Variants in CHST11 observed in about 807,000 individuals in gnomAD.
The protein encoded by CHST11 is C4S-1.
In CHST11, 9 loss-of-function variants were observed where a neutral mutation model predicts 30.4. The ratio of observed to expected loss-of-function variants is 0.30; its 90% CI spans 0.18 to 0.52. The LOEUF is 0.52. Among genes scored for constraint, CHST11 ranks in the 20% least tolerant of loss-of-function variants. The pLI, the probability that CHST11 is intolerant of heterozygous loss-of-function variation, is 0.97. For missense variants in CHST11, 348 were observed against 460.6 expected (o/e 0.76, Z 2.24); for synonymous variants, 152 against 187.8 (o/e 0.81, Z 1.56).
intron 2 of CHST11, among the ~76,000 whole-genome samples, chr12:104,657,244 G>A (rs1296833165): frequency 6.6e-6 from 1 of 152,054 alleles, no homozygotes; most frequent in Non-Finnish European, 1.5e-5. Flanking sequence ...CTCTGGGAGC[G>A]AAACAAAAAG....
chr12:104,501,443 GAA>G (rs2037853234), intron 1 of CHST11, among the ~76,000 whole-genome samples: 1 of 152,216 alleles, frequency 6.6e-6, no homozygotes, highest in South Asian at 2.1e-4. Context: ...TTCAGGATCT[GAA>G]GTACTTTTTC....
intron 2 of CHST11, among the ~76,000 whole-genome samples, chr12:104,706,810 G>A (rs1275466256): frequency 6.6e-6 from 1 of 152,084 alleles, no homozygotes; most frequent in Non-Finnish European, 1.5e-5. Flanking sequence ...AATGTCCCAG[G>A]GGGAAAAAAT....
chr12:104,488,373 GTGTGTA>G (rs1565959928), intron 1 of CHST11, among the ~76,000 whole-genome samples: 1 of 151,690 alleles, frequency 6.6e-6, no homozygotes, highest in Non-Finnish European at 1.5e-5. Context: ...ATGTGTATGC[GTGTGTA>G]TGTGTGTGTA....
At chr12:104,544,217 A>G (rs963803932) in intron 1 of CHST11, among the ~76,000 whole-genome samples, 3 of 151,860 alleles carry the variant, frequency 2.0e-5, no homozygotes, top group Non-Finnish European at 4.4e-5. Flanking sequence ...CATACATAGA[A>G]TTTTTGATGA....
chr12:104,525,706 G>T (rs147258499), intron 1 of CHST11, among the ~76,000 whole-genome samples: 1 of 152,086 alleles, frequency 6.6e-6, no homozygotes, highest in Non-Finnish European at 1.5e-5. Context: ...ATTTTTAAGG[G>T]CAAAGAGATT....
At chr12:104,517,587 A>C (rs2038036756) in intron 1 of CHST11, among the ~76,000 whole-genome samples, 1 of 152,142 alleles carries the variant, frequency 6.6e-6, no homozygotes, top group Non-Finnish European at 1.5e-5. Context: ...ATTTGTAACC[A>C]GCTCCCGGGT....
intron 2 of CHST11, among the ~76,000 whole-genome samples, chr12:104,732,170 C>A (rs2040263342): frequency 6.6e-6 from 1 of 152,246 alleles, no homozygotes; most frequent in African/African-American, 2.4e-5. Flanking sequence ...TATGGCCATG[C>A]CCTGTGGTGG....
At position 104,757,618 on chromosome 12, in the gene CHST11, C is replaced by T. The variant is rs1269775329; in HGVS notation, c.874C>T (p.Leu292=). 2.5e-6 allele frequency: 4 copies of T among 1,614,022 alleles called. No individual in the cohort carries two copies. In the Admixed American group the frequency reaches 6.7e-5, roughly 27 times the overall value. The part of the protein sequence containing the change: ...LEEDSNYVLQ[L]AGVGSYLKFP... ...AGAGGATTCTAATTACGTCCTGCAG[C>T]TGGCAGGAGTGGGCAGCTACCTGAA... The change falls in exon 3 of 3, where the codon CTG becomes TTG. Residue 292 remains leucine, a synonymous_variant. Coordinates refer to ENST00000303694, the MANE Select transcript of CHST11 (RefSeq NM_018413.6). The surrounding 1 kb of genome is among the most constrained non-coding windows in gnomAD (Gnocchi z 6.5).
At chr12:104,615,330 C>T (rs868107382) in intron 2 of CHST11, among the ~76,000 whole-genome samples, 29 of 152,226 alleles carry the variant, frequency 1.9e-4, no homozygotes, top group African/African-American at 3.1e-4. Context: ...ATGTTTCTCA[C>T]GGAATATCCA....
intron 2 of CHST11, among the ~76,000 whole-genome samples, chr12:104,712,610 A>G (rs2040096448): frequency 6.6e-6 from 1 of 152,080 alleles, no homozygotes; most frequent in Non-Finnish European, 1.5e-5. Flanking sequence ...GGTGTGAAGG[A>G]GCTGGCCACG....
chr12:104,561,788 G>A (rs2038515761), intron 1 of CHST11, among the ~76,000 whole-genome samples: 1 of 142,740 alleles, frequency 7.0e-6, no homozygotes, highest in Non-Finnish European at 1.5e-5. Context: ...CCCATTATTA[G>A]GTCCATTTTT....
intron 2 of CHST11, among the ~76,000 whole-genome samples, chr12:104,752,072 T>C (rs916445172): frequency 6.6e-6 from 1 of 152,196 alleles, no homozygotes; most frequent in East Asian, 1.9e-4. Context: ...AGGAAATGTA[T>C]TCTCTCACAG....
At position 104,458,100 on chromosome 12, in the gene CHST11, C is replaced by A. The variant is rs1220434525; in HGVS notation, c.118+571C>A. On this transcript the variant is annotated intron_variant, in intron 1 of 2. Coordinates refer to ENST00000303694, the MANE Select transcript of CHST11 (RefSeq NM_018413.6). This position sits in a 1 kb window ranked among gnomAD's most constrained non-coding sequence, Gnocchi z 5.7. Reference sequence around the variant, plus strand: ...CTGGGCTCCCACGTGTCCCGGGCTCCGCGCAGAGCTGAGCAGGTGTGGAGA... The same window carrying A: ...CTGGGCTCCCACGTGTCCCGGGCTCAGCGCAGAGCTGAGCAGGTGTGGAGA... Among the ~76,000 whole-genome samples, 1 of 151,922 alleles carries A rather than the reference C, an allele frequency of 6.6e-6. No individual in the cohort carries two copies. Among genetic ancestry groups the A allele is most frequent in the African/African-American group, 2.4e-5 (1 of 41,396 alleles).
intron 2 of CHST11, among the ~76,000 whole-genome samples, chr12:104,666,699 A>C (rs1273458920): frequency 6.6e-6 from 1 of 152,210 alleles, no homozygotes; most frequent in African/African-American, 2.4e-5. Flanking sequence ...ATGTTTCCTG[A>C]TTGAAAAAAG....
At chr12:104,658,855 G>A (rs113724876) in intron 2 of CHST11, among the ~76,000 whole-genome samples, 65 of 152,284 alleles carry the variant, frequency 4.3e-4, no homozygotes, top group African/African-American at 1.2e-3. Context: ...CTCTATTGCC[G>A]TTCTCATTGT....
At chr12:104,622,142 A>G (rs1029982184) in intron 2 of CHST11, among the ~76,000 whole-genome samples, 1 of 152,238 alleles carries the variant, frequency 6.6e-6, no homozygotes, top group Admixed American at 6.5e-5. Flanking sequence ...GTACATATTC[A>G]TAAGAACTCT....
chr12:104,483,884 TG>T (rs1206957599), intron 1 of CHST11, among the ~76,000 whole-genome samples: 1 of 152,142 alleles, frequency 6.6e-6, no homozygotes, highest in Admixed American at 6.5e-5. Flanking sequence ...TGGAGGAGGC[TG>T]GAGGCAAAGG....
intron 2 of CHST11, among the ~76,000 whole-genome samples, chr12:104,731,126 C>T (rs909977572): frequency 6.6e-6 from 1 of 152,202 alleles, no homozygotes; most frequent in African/African-American, 2.4e-5. Flanking sequence ...TTGGCTGTCT[C>T]CTGCATCCTT....
At chr12:104,741,038 C>T (rs1391147519) in intron 2 of CHST11, among the ~76,000 whole-genome samples, 1 of 152,256 alleles carries the variant, frequency 6.6e-6, no homozygotes. Flanking sequence ...CAAAGCTAAT[C>T]ACCCTTTTCT....
Sources: gnomAD v4.1 joint callset for allele counts (sites outside exome capture counted in the v4.1 genomes callset) on GRCh38, gnomAD v4.1.1 for gene constraint, Gnocchi (gnomAD v3.1) non-coding constraint, MANE v1.5 for transcripts, NCBI Gene and HGNC (gene_info 2026-07-23, HGNC 2026-07-21) for gene names.